DCC: variants seen among roughly 807,000 people sequenced by gnomAD.
DCC encodes the protein netrin receptor DCC.
In DCC, 58 loss-of-function variants were observed where a neutral mutation model predicts 172.5. The ratio of observed to expected loss-of-function variants is 0.34; its 90% CI spans 0.27 to 0.42. The LOEUF (loss-of-function observed/expected upper bound fraction) is 0.42. Among genes scored for constraint, DCC ranks in the 10% least tolerant of loss-of-function variants. DCC has a pLI of 1.00. For synonymous variants in DCC, 709 were observed against 644.5 expected (o/e 1.10, Z -1.52); for missense variants, 1,740 against 1,791.0 (o/e 0.97, Z 0.51).
At chr18:53,189,281 T>C (rs1263998405) in intron 9 of DCC, among the ~76,000 whole-genome samples, 1 of 152,118 alleles carries the variant, frequency 6.6e-6, no homozygotes. Context: ...AGTCCAGATA[T>C]TGGCATTAGT....
At chr18:52,974,166 C>G (rs1167078703) in intron 5 of DCC, among the ~76,000 whole-genome samples, 3 of 151,930 alleles carry the variant, frequency 2.0e-5, no homozygotes, top group African/African-American at 7.3e-5. Context: ...AAGGTGTGTT[C>G]AATTAAGGAC....
intron 5 of DCC, among the ~76,000 whole-genome samples, chr18:52,958,022 TCTC>T (rs925049764): frequency 6.6e-6 from 1 of 151,960 alleles, no homozygotes; most frequent in African/African-American, 2.4e-5. Flanking sequence ...GATACTATAA[TCTC>T]CTGAATTAGA....
intron 1 of DCC, among the ~76,000 whole-genome samples, chr18:52,504,205 T>G (rs1444444052): frequency 6.6e-6 from 1 of 152,102 alleles, no homozygotes; most frequent in African/African-American, 2.4e-5. Flanking sequence ...AATACTCTAC[T>G]CTATATCTGT....
chr18:52,877,578 G>A (rs2039422347), intron 2 of DCC, among the ~76,000 whole-genome samples: 1 of 151,924 alleles, frequency 6.6e-6, no homozygotes, highest in Admixed American at 6.6e-5. Flanking sequence ...ATGGTGGTGT[G>A]CACCTTTAAT....
intron 5 of DCC, among the ~76,000 whole-genome samples, chr18:52,966,348 G>C (rs533148425): frequency 5.3e-5 from 8 of 152,220 alleles, no homozygotes; most frequent in African/African-American, 1.9e-4. Flanking sequence ...AATAATTTTT[G>C]TACTGTTTTT....
intron 2 of DCC, among the ~76,000 whole-genome samples, chr18:52,839,796 T>G (rs2038772549): frequency 1.3e-5 from 2 of 152,202 alleles, no homozygotes; most frequent in Admixed American, 6.5e-5. Context: ...AGGTGTTACA[T>G]TTTGTTTAGA....
intron 1 of DCC, among the ~76,000 whole-genome samples, chr18:52,556,149 T>C (rs1386593400): frequency 6.6e-6 from 1 of 152,120 alleles, no homozygotes; most frequent in Non-Finnish European, 1.5e-5. Context: ...ATACCAATCC[T>C]ATACATTCCT....
chr18:53,417,356 G>C (rs9807387), intron 21 of DCC, among the ~76,000 whole-genome samples: 65,648 of 151,986 alleles, frequency 0.43, 15,988 homozygotes, highest in Non-Finnish European at 0.56. Context: ...CACAGCAATG[G>C]CTACTCAGGG....
intron 5 of DCC, among the ~76,000 whole-genome samples, chr18:53,045,441 G>T (rs1450301470): frequency 6.6e-6 from 1 of 151,754 alleles, no homozygotes; most frequent in African/African-American, 2.4e-5. Flanking sequence ...AAGATGTTTA[G>T]GGTTACAAAT....
At position 53,046,996 on chromosome 18, in the gene DCC, C is replaced by G. The variant is rs138260374; in HGVS notation, c.986-16309C>G. On this transcript the variant is annotated intron_variant, in intron 5 of 28. Coordinates refer to ENST00000442544, the MANE Select transcript of DCC (RefSeq NM_005215.4). ...CTTTCACCGAATTTGAGGTAGAAAA[C>G]ATTCTGTTGTTCTTTTCTCCACATG... 5.3e-3 allele frequency among the ~76,000 whole-genome samples: 804 copies of G among 151,468 alleles called. 6 individuals are homozygous for G. The highest frequency in any genetic ancestry group is 0.023 in the Admixed American group (342 of 15,096).
chr18:53,205,149 G>C, intron 9 of DCC, 67 bp from the exon 10 acceptor site: 1 of 1,268,320 alleles, frequency 7.9e-7, no homozygotes, highest in Non-Finnish European at 1.2e-6. Context: ...AATTTTGTTT[G>C]TTTTGAGAAC....
At chr18:53,187,216 G>A (rs1278072599) in intron 9 of DCC, among the ~76,000 whole-genome samples, 1 of 150,948 alleles carries the variant, frequency 6.6e-6, no homozygotes, top group Non-Finnish European at 1.5e-5. Flanking sequence ...TCCACGTCCT[G>A]AGTTCGTGTG....
intron 15 of DCC, among the ~76,000 whole-genome samples, chr18:53,343,130 A>G (rs1599043137): frequency 6.6e-6 from 1 of 151,724 alleles, no homozygotes; most frequent in African/African-American, 2.4e-5. Flanking sequence ...AAAGTTTTAT[A>G]TTTAGTTTCT....
chr18:52,613,599 C>T (rs1272781165), intron 1 of DCC, among the ~76,000 whole-genome samples: 1 of 152,120 alleles, frequency 6.6e-6, no homozygotes, highest in Non-Finnish European at 1.5e-5. Context: ...AATTTAAAAA[C>T]ATGTGATGTA....
intron 1 of DCC, among the ~76,000 whole-genome samples, chr18:52,565,588 C>T (rs1053043928): frequency 1.3e-5 from 2 of 152,102 alleles, no homozygotes; most frequent in Admixed American, 6.6e-5. Context: ...TCTCTAATGA[C>T]GAGTGATAAT....
At chr18:52,825,578 A>C (rs1346627294) in intron 2 of DCC, among the ~76,000 whole-genome samples, 1 of 152,210 alleles carries the variant, frequency 6.6e-6, no homozygotes, top group Non-Finnish European at 1.5e-5. Context: ...CAATGGATGC[A>C]AAAAGTACAA....
chr18:52,626,931 G>C (rs1296281445), intron 1 of DCC, among the ~76,000 whole-genome samples: 2 of 151,984 alleles, frequency 1.3e-5, no homozygotes, highest in Non-Finnish European at 2.9e-5. Context: ...AGGGTTCCTT[G>C]GTATCATGGA....
At chr18:53,113,413 C>T (rs1322470492) in intron 7 of DCC, among the ~76,000 whole-genome samples, 1 of 151,232 alleles carries the variant, frequency 6.6e-6, no homozygotes, top group Non-Finnish European at 1.5e-5. Context: ...TCATTCGTGT[C>T]CCTTCTGGAA....
chr18:53,005,290 T>C (rs964785332), intron 5 of DCC, among the ~76,000 whole-genome samples: 3 of 152,224 alleles, frequency 2.0e-5, no homozygotes, highest in Admixed American at 6.5e-5. Context: ...GACATTGGAA[T>C]ATTTTAGGAA....
Sources: gnomAD v4.1 joint callset for allele counts (sites outside exome capture counted in the v4.1 genomes callset) on GRCh38, gnomAD v4.1.1 for gene constraint, MANE v1.5 for transcripts, NCBI Gene and HGNC (gene_info 2026-07-23, HGNC 2026-07-21) for gene names.